MAML3: variants seen among roughly 807,000 people sequenced by gnomAD.
MAML3 encodes mastermind like transcriptional coactivator 3, also known as mastermind-like protein 3.
In MAML3, 27 loss-of-function variants were observed where a neutral mutation model predicts 101.9. The ratio of observed to expected loss-of-function variants is 0.27; its 90% confidence interval spans 0.20 to 0.37. The LOEUF is 0.37. MAML3 is among the 10% of genes least tolerant of loss of function. MAML3 has a pLI of 1.00. For synonymous variants in MAML3, 501 were observed against 555.9 expected (o/e 0.90, Z 1.39); for missense variants, 1,316 against 1,444.9 (o/e 0.91, Z 1.45).
chr4:139,731,040 G>C (rs1399442337), intron 2 of MAML3: 1 of 226,244 alleles, frequency 4.4e-6, no homozygotes, highest in Admixed American at 5.0e-5. Flanking sequence ...GACACATCCT[G>C]ACCTCACCTG....
chr4:140,150,810 G>A (rs775616443), intron 1 of MAML3, among the ~76,000 whole-genome samples: 1 of 152,166 alleles, frequency 6.6e-6, no homozygotes, highest in African/African-American at 2.4e-5. Context: ...AGCTACAGTC[G>A]AGATGCGGGA....
chr4:139,932,589 T>C (rs929086807), intron 1 of MAML3, among the ~76,000 whole-genome samples: 3 of 152,192 alleles, frequency 2.0e-5, no homozygotes, highest in African/African-American at 4.8e-5. Context: ...TTTATCTCTA[T>C]ACTAATAGAC....
At chr4:140,074,237 G>GAAAGAAAGAAAGAAAGAAAGAAAGAA (rs1560885582) in intron 1 of MAML3, among the ~76,000 whole-genome samples, 36 of 130,220 alleles carry the variant, frequency 2.8e-4, no homozygotes, top group African/African-American at 9.4e-4. Flanking sequence ...AAGAAAGAAA[G>GAAAGAAAGAAAGAAAGAAAGAAAGAA]AAAGAAAGAA....
chr4:140,001,969 C>T (rs1435169710), intron 1 of MAML3, among the ~76,000 whole-genome samples: 2 of 152,024 alleles, frequency 1.3e-5, no homozygotes, highest in Non-Finnish European at 2.9e-5. Flanking sequence ...TTATGGTGTG[C>T]AACATGTTTT....
At chr4:139,977,017 G>C (rs1178086257) in intron 1 of MAML3, among the ~76,000 whole-genome samples, 1 of 152,048 alleles carries the variant, frequency 6.6e-6, no homozygotes, top group African/African-American at 2.4e-5. Flanking sequence ...TTTTAGGAAG[G>C]GAATCAGGTC....
At chr4:140,114,978 C>T (rs889401997) in intron 1 of MAML3, among the ~76,000 whole-genome samples, 2 of 152,180 alleles carry the variant, frequency 1.3e-5, no homozygotes, top group African/African-American at 2.4e-5. Context: ...TACATTATAA[C>T]TTCATTCAAC....
At chr4:139,942,168 G>GGGAAGGCA (rs1733619338) in intron 1 of MAML3, among the ~76,000 whole-genome samples, 1 of 129,124 alleles carries the variant, frequency 7.7e-6, no homozygotes, top group Admixed American at 7.4e-5. Context: ...GAGGGAGGGA[G>GGGAAGGCA]GGAAGGCAGG....
intron 1 of MAML3, among the ~76,000 whole-genome samples, chr4:140,024,820 C>A (rs892170187): frequency 6.6e-6 from 1 of 152,150 alleles, no homozygotes; most frequent in Non-Finnish European, 1.5e-5. Context: ...GACGTGAAAA[C>A]ATATCTTCTC....
chr4:139,799,154 T>C (rs1247366938), intron 2 of MAML3, among the ~76,000 whole-genome samples: 3 of 152,166 alleles, frequency 2.0e-5, no homozygotes, highest in East Asian at 1.9e-4. Context: ...TGTTCAAAGA[T>C]TGGGTGAGAA....
In MAML3 at chr4:139,979,975, G is replaced by A. The variant is rs146894397; in HGVS notation, c.469-89008C>T. 8.5e-4 allele frequency among the ~76,000 whole-genome samples: 130 copies of A among 152,260 alleles called. 1 individual carries two copies. Among genetic ancestry groups the A allele is most frequent in the African/African-American group, 2.9e-3 (119 of 41,542 alleles). ...TCCCACCCAGGGTCTAGGTGAGTAC[G>A]GACAGTCTCAGGGCTTGACTGAGCA... On this transcript the variant is annotated intron_variant, in intron 1 of 4. Transcript: ENST00000509479.
In MAML3 at chr4:139,993,654, C is replaced by T. The variant is rs144955748; in HGVS notation, c.469-102687G>A. Reference sequence around the variant, plus strand: ...CAGCCTGGCCAACATGATGAAACCTCGTCTCTACTAAAAATACAAAAAAAT... The same window carrying T: ...CAGCCTGGCCAACATGATGAAACCTTGTCTCTACTAAAAATACAAAAAAAT... On this transcript the variant is annotated intron_variant, in intron 1 of 4. Coordinates refer to ENST00000509479, the MANE Select transcript of MAML3 (RefSeq NM_018717.5). Among the ~76,000 whole-genome samples, 677 of 151,858 alleles carry T rather than the reference C, an allele frequency of 4.5e-3. 11 individuals carry two copies. The highest frequency in any genetic ancestry group is 0.015 in the African/African-American group (632 of 41,394).
At chr4:139,792,731 T>C (rs1010187868) in intron 2 of MAML3, among the ~76,000 whole-genome samples, 2 of 151,758 alleles carry the variant, frequency 1.3e-5, no homozygotes, top group Non-Finnish European at 2.9e-5. Context: ...GTAGAACTGG[T>C]TTTCTTTTCT....
chr4:139,755,485 G>A (rs970066200), intron 2 of MAML3, among the ~76,000 whole-genome samples: 2 of 152,144 alleles, frequency 1.3e-5, no homozygotes, highest in Non-Finnish European at 2.9e-5. Flanking sequence ...GTGGGCGCCT[G>A]TAGTCCCAGT....
chr4:139,850,903 TAA>T (rs747388081), intron 2 of MAML3, among the ~76,000 whole-genome samples: 15 of 139,776 alleles, frequency 1.1e-4, no homozygotes, highest in Non-Finnish European at 7.8e-5. Context: ...TTTGCAAGAT[TAA>T]AAAAAAAAAA....
intron 1 of MAML3, among the ~76,000 whole-genome samples, chr4:139,963,035 A>G (rs113558487): frequency 3.3e-4 from 50 of 152,204 alleles, no homozygotes; most frequent in Non-Finnish European, 5.0e-4. Context: ...TAAACCCACC[A>G]TTTCTTTTAA....
intron 1 of MAML3, among the ~76,000 whole-genome samples, chr4:140,109,351 C>G (rs1295732234): frequency 6.6e-6 from 1 of 152,160 alleles, no homozygotes; most frequent in African/African-American, 2.4e-5. Flanking sequence ...TCTTATACTT[C>G]TCACTAGCAA....
At chr4:140,094,237 G>A (rs181436998) in intron 1 of MAML3, among the ~76,000 whole-genome samples, 415 of 152,266 alleles carry the variant, frequency 2.7e-3, no homozygotes, top group Non-Finnish European at 4.7e-3. Context: ...ATCATGCATG[G>A]AAAAGGTCTG....
At chr4:139,963,568 T>C (rs778933714) in intron 1 of MAML3, among the ~76,000 whole-genome samples, 64 of 152,298 alleles carry the variant, frequency 4.2e-4, no homozygotes, top group Middle Eastern at 6.8e-3. Flanking sequence ...TGGCCAATAA[T>C]ACCTTGTGTC....
At position 139,735,753 on chromosome 4, in the gene MAML3, G is replaced by C. The variant is rs1233625042; in HGVS notation, c.2080-5086C>G. 6.6e-6 allele frequency among the ~76,000 whole-genome samples: 1 copy of C among 152,238 alleles called. No homozygotes were observed. Among genetic ancestry groups the C allele is most frequent in the Non-Finnish European group, 1.5e-5 (1 of 68,036 alleles). On this transcript the variant is annotated intron_variant, in intron 2 of 4. Transcript: ENST00000509479. This position sits in a 1 kb window ranked among gnomAD's most constrained non-coding sequence, Gnocchi z 5.8. ...GTCCTCAGGGGACTCCGGCTAGGAAGTCAGGAGTGGGGCCCGTGCGTCCCC... is the reference window on the plus strand; with the variant it reads ...GTCCTCAGGGGACTCCGGCTAGGAACTCAGGAGTGGGGCCCGTGCGTCCCC...
Sources: allele counts gnomAD v4.1 joint callset (sites outside exome capture counted in the v4.1 genomes callset), GRCh38; gene constraint gnomAD v4.1.1; non-coding constraint Gnocchi (gnomAD v3.1); transcripts MANE v1.5; gene names NCBI Gene and HGNC (gene_info 2026-07-23, HGNC 2026-07-21).